The following NEU2 variants were observed in gnomAD, a reference collection of about 807,000 sequenced individuals.
NEU2 encodes neuraminidase 2, also known as sialidase-2.
In NEU2, 7 loss-of-function variants were observed where a neutral mutation model predicts 6.3. The ratio of observed to expected loss-of-function variants is 1.12; its 90% CI spans 0.63 to 2.10. The LOEUF (loss-of-function observed/expected upper bound fraction) is 2.10. Ranked by LOEUF, NEU2 falls within the 30% of genes most tolerant of loss-of-function variation. NEU2 has a pLI of 0.00. For synonymous variants in NEU2, 208 were observed against 223.3 expected, an observed-to-expected ratio of 0.93 and a Z score of 0.61; for missense variants, 509 against 504.0, an observed-to-expected ratio of 1.01 and a Z score of -0.09.
chr2:233,034,885 C>T lies in NEU2; in HGVS notation c.971C>T (p.Pro324Leu), dbSNP rs776176921. ...CCAGCCCCTGAGGCCTGGTCAGAGC[C>T]GGTACTGCTGGCCAAGGGCAGCTGT... is the stretch of plus-strand genomic sequence containing the variant. ...RPPAPEAWSE[P>L]VLLAKGSCAY... The change falls in exon 2 of 2, where the codon CCG becomes CTG. Residue 324 changes from proline to leucine, a missense_variant. By Grantham distance (98) the Pro-to-Leu change is moderately conservative (BLOSUM62 -3). Transcript: ENST00000233840. This position sits in a 1 kb window ranked among gnomAD's most constrained non-coding sequence, Gnocchi z 4.8. The T allele has an allele frequency of 1.7e-5, 28 of 1,613,850 alleles. No homozygotes were observed. The East Asian group carries it at 2.9e-4, about 17-fold the overall frequency.
In NEU2 at chr2:233,032,811, A is replaced by G. The variant is rs866806801; in HGVS notation, c.140A>G (p.Glu47Gly). ...GAACAGCGGGCAAGCAAGAAGGATG[A>G]GCACGCAGAGCTGATTGTCCTGCGC... ...FAEQRASKKD[E>G]HAELIVLRRG... Residue 47 changes from glutamate (E) to glycine (G), a missense_variant, in exon 1 of 2, where the codon GAG (glutamate) becomes GGG (glycine). By Grantham distance (98) the Glu-to-Gly change is moderately conservative. Coordinates refer to ENST00000233840, the MANE Select transcript of NEU2 (RefSeq NM_005383.2). 3 of 1,614,034 alleles carry G rather than the reference A, an allele frequency of 1.9e-6. No individual in the cohort carries two copies. In the Admixed American group the frequency reaches 5.0e-5, roughly 27 times the overall value.
chr2:233,033,408 G>A (rs1054719080), intron 1 of NEU2, among the ~76,000 whole-genome samples: 1 of 152,208 alleles, frequency 6.6e-6, no homozygotes, highest in Non-Finnish European at 1.5e-5. Context: ...GACCACAGAT[G>A]TGGCCTAGGC....
In NEU2 at chr2:233,034,350, G is replaced by A; in HGVS notation, c.436G>A (p.Ala146Thr). Residue 146 changes from alanine (A) to threonine (T), a missense_variant, in exon 2 of 2, where the codon GCC (alanine) becomes ACC (threonine). Physicochemically the swap from Ala to Thr is moderately conservative, Grantham distance 58. Transcript: ENST00000233840. The surrounding 1 kb of genome is among the most constrained non-coding windows in gnomAD (Gnocchi z 4.8). ...CTCCCCCAGAGACCTCACTGATGCGGCCATCGGCCCAGCCTACCGGGAGTG... is the reference window on the plus strand; with the variant it reads ...CTCCCCCAGAGACCTCACTGATGCGACCATCGGCCCAGCCTACCGGGAGTG... ...WSSPRDLTDA[A>T]IGPAYREWST... 1 of 1,614,008 alleles carries A rather than the reference G, an allele frequency of 6.2e-7. No individual in the cohort carries two copies. The highest frequency in any genetic ancestry group is 8.5e-7 in the Non-Finnish European group (1 of 1,179,962).
rs368601498 is a variant in NEU2, at chr2:233,032,713, G to T, written c.42G>T (p.Gln14His). ...LPVLQKESVF[Q>H]SGAHAYRIPA... ...TCCTGCAGAAGGAGAGCGTGTTCCAGTCGGGAGCCCATGCCTACAGAATCC... is the reference window on the plus strand; with the variant it reads ...TCCTGCAGAAGGAGAGCGTGTTCCATTCGGGAGCCCATGCCTACAGAATCC... The change falls in exon 1 of 2, where the codon CAG becomes CAT. Residue 14 changes from glutamine to histidine, a missense_variant. By Grantham distance (24) the Gln-to-His change is conservative. Transcript: ENST00000233840. 1.5e-5 allele frequency: 24 copies of T among 1,614,144 alleles called. No individual in the cohort carries two copies. Among genetic ancestry groups the T allele is most frequent in the Non-Finnish European group, 2.0e-5 (24 of 1,180,056 alleles).
intron 1 of NEU2, among the ~76,000 whole-genome samples, 183 bp downstream of exon 1, chr2:233,033,055 C>G (rs1300980693): frequency 1.3e-5 from 2 of 152,204 alleles, no homozygotes; most frequent in African/African-American, 4.8e-5. Flanking sequence ...TCTGGGTTCA[C>G]TGTGAATTAG....
At position 233,034,801 on chromosome 2, in the gene NEU2, C is replaced by G; in HGVS notation, c.887C>G (p.Thr296Ser). 1 of 1,573,560 alleles carries G rather than the reference C, an allele frequency of 6.4e-7. No individual in the cohort carries two copies. Among genetic ancestry groups the G allele is most frequent in the South Asian group, 1.2e-5 (1 of 83,792 alleles). Residue 296 changes from threonine to serine, a missense_variant, in exon 2 of 2, where the codon ACT (threonine) becomes AGT (serine). Thr to Ser is a moderately conservative substitution (Grantham distance 58). Transcript: ENST00000233840. This position sits in a 1 kb window ranked among gnomAD's most constrained non-coding sequence, Gnocchi z 4.8. ...TCCCCAGCCCAGTGGCTGCTCTACA[C>G]TCACCCCACACACTCCTGGCAGAGG... Reference protein sequence around the residue: ...PGSPAQWLLYTHPTHSWQRAD... With the variant: ...PGSPAQWLLYSHPTHSWQRAD...
rs750405616 is a variant in NEU2 at position 233,034,973 on chromosome 2, G to A, written c.1059G>A (p.Leu353=). The change falls in exon 2 of 2, where the codon CTG becomes CTA. Residue 353 remains leucine, a synonymous_variant. Transcript: ENST00000233840. The surrounding 1 kb of genome is among the most constrained non-coding windows in gnomAD (Gnocchi z 4.8). Reference sequence around the variant, plus strand: ...ATGGGTCCCCCTTGTTTGGGTGTCTGTACGAAGCCAATGATTACGAGGAGA... The same window carrying A: ...ATGGGTCCCCCTTGTTTGGGTGTCTATACGAAGCCAATGATTACGAGGAGA... ...GPDGSPLFGC[L]YEANDYEEIV... The A allele has an allele frequency of 9.9e-6, 16 of 1,614,172 alleles. No homozygotes were observed. The highest frequency in any genetic ancestry group is 1.3e-5 in the African/African-American group (1 of 75,070).
At position 233,032,851 on chromosome 2, in the gene NEU2, C is replaced by A. The variant is rs138078170; in HGVS notation, c.180C>A (p.Asp60Glu). 6.2e-7 allele frequency: 1 copy of A among 1,607,708 alleles called. No individual in the cohort carries two copies. Among genetic ancestry groups the A allele is most frequent in the African/African-American group, 1.3e-5 (1 of 74,856 alleles). Reference protein sequence around the residue: ...ELIVLRRGDYDAPTHQVQWQA... With the variant: ...ELIVLRRGDYEAPTHQVQWQA... ...TTGTCCTGCGCAGAGGAGACTACGA[C>A]GCACCCACCCACCAGGTTCAGGTGA... Residue 60 changes from aspartate (D) to glutamate (E), a missense_variant, in exon 1 of 2, where the codon GAC becomes GAA. Asp to Glu is a conservative substitution (Grantham distance 45). Transcript: ENST00000233840.
At position 233,034,754 on chromosome 2, in the gene NEU2, C is replaced by A; in HGVS notation, c.840C>A (p.Pro280=). 1 of 1,537,380 alleles carries A rather than the reference C, an allele frequency of 6.5e-7. No homozygotes were observed. Among genetic ancestry groups the A allele is most frequent in the Non-Finnish European group, 8.8e-7 (1 of 1,141,612 alleles). The part of the protein sequence containing the change: ...QGCQGSVISF[P]SPRSGPGSPA... Reference sequence around the variant, plus strand: ...GCCAGGGGAGCGTCATCAGCTTCCCCAGCCCCCGCTCGGGGCCTGGCTCCC... The same window carrying A: ...GCCAGGGGAGCGTCATCAGCTTCCCAAGCCCCCGCTCGGGGCCTGGCTCCC... Residue 280 remains proline (P), a synonymous_variant, in exon 2 of 2, where the codon CCC becomes CCA. Coordinates refer to ENST00000233840, the MANE Select transcript of NEU2 (RefSeq NM_005383.2). The surrounding 1 kb of genome is among the most constrained non-coding windows in gnomAD (Gnocchi z 4.8).
At chr2:233,033,719 C>T (rs999110975) in intron 1 of NEU2, among the ~76,000 whole-genome samples, 2 of 152,122 alleles carry the variant, frequency 1.3e-5, no homozygotes, top group African/African-American at 2.4e-5. Flanking sequence ...GGTTATTGCA[C>T]CTTCCGCCAG....
intron 1 of NEU2, among the ~76,000 whole-genome samples, chr2:233,033,316 C>A (rs1690539832): frequency 6.6e-6 from 1 of 152,124 alleles, no homozygotes; most frequent in Non-Finnish European, 1.5e-5. Context: ...ATTATCATTC[C>A]TTTGTGGTCA....
rs1198256169 is a variant in NEU2, at chr2:233,034,291, A to T, written c.377A>T (p.Gln126Leu). 1 of 1,614,138 alleles carries T rather than the reference A, an allele frequency of 6.2e-7. No homozygotes were observed. Among genetic ancestry groups the T allele is most frequent in the South Asian group, 1.1e-5 (1 of 91,080 alleles). The change falls in exon 2 of 2, where the codon CAA (glutamine) becomes CTA (leucine). Residue 126 changes from glutamine to leucine, a missense_variant. Physicochemically the swap from Gln to Leu is moderately radical, Grantham distance 113. Coordinates refer to ENST00000233840, the MANE Select transcript of NEU2 (RefSeq NM_005383.2). The surrounding 1 kb of genome is among the most constrained non-coding windows in gnomAD (Gnocchi z 4.8). ...AGGGCCAATGTGACGCGGCTGTGCC[A>T]AGTCACCAGCACTGACCACGGGAGG... is the stretch of plus-strand genomic sequence containing the variant. ...QTRANVTRLC[Q>L]VTSTDHGRTW...
chr2:233,034,199 G>A lies in NEU2; in HGVS notation c.285G>A (p.Thr95=), dbSNP rs762955879. The change falls in exon 2 of 2, where the codon ACG becomes ACA. Residue 95 remains threonine (T), a synonymous_variant. Coordinates refer to ENST00000233840, the MANE Select transcript of NEU2 (RefSeq NM_005383.2). The surrounding 1 kb of genome is among the most constrained non-coding windows in gnomAD (Gnocchi z 4.8). ...CATGCCCCTTGTATGACGCGCAGAC[G>A]GGGACCCTCTTCCTCTTCTTCATTG... The part of the protein sequence containing the change: ...MNPCPLYDAQ[T]GTLFLFFIAI... The A allele has an allele frequency of 6.2e-6, 10 of 1,613,952 alleles. No homozygotes were observed. Among genetic ancestry groups the A allele is most frequent in the South Asian group, 4.4e-5 (4 of 91,086 alleles).
At chr2:233,033,988 GTTC>G (rs1040280641) in intron 1 of NEU2, 125 bp from the exon 2 acceptor site, 43 of 830,568 alleles carry the variant, frequency 5.2e-5, no homozygotes, top group African/African-American at 2.4e-4. Context: ...TGGGTGAAGA[GTTC>G]TTCTCGATGA....
rs1559256145 is a variant in NEU2, at chr2:233,034,581, GA to G, written c.669del (p.Val224SerfsTer9). 1.2e-6 allele frequency: 2 copies of G among 1,614,040 alleles called. No individual in the cohort carries two copies. Reference sequence around the variant, plus strand: ...GGACACCCTGGAGTGCCAGGTGGCCGAAGTCGAGACTGGGGAGCAGAGGGTG... The same window carrying G: ...GGACACCCTGGAGTGCCAGGTGGCCGAGTCGAGACTGGGGAGCAGAGGGTG... ...AQDTLECQVA[E>X]VETGEQRVVT... is the part of the protein sequence containing the mutation. On this transcript the variant is annotated frameshift_variant, in exon 2 of 2. Transcript: ENST00000233840. LOFTEE classifies it low-confidence loss of function (END_TRUNC). The surrounding 1 kb of genome is among the most constrained non-coding windows in gnomAD (Gnocchi z 4.8).
chr2:233,033,331 T>C (rs992909411), intron 1 of NEU2, among the ~76,000 whole-genome samples: 3 of 152,198 alleles, frequency 2.0e-5, no homozygotes, highest in Admixed American at 1.3e-4. Context: ...TGGTCATTAC[T>C]ACACAGCTGT....
chr2:233,034,356 G>A lies in NEU2; in HGVS notation c.442G>A (p.Gly148Ser), dbSNP rs768070820. 8 of 1,613,908 alleles carry A rather than the reference G, an allele frequency of 5.0e-6. No homozygotes were observed. The East Asian group carries it at 1.1e-4, about 22-fold the overall frequency. Reference protein sequence around the residue: ...SPRDLTDAAIGPAYREWSTFA... With the variant: ...SPRDLTDAAISPAYREWSTFA... The stretch of plus-strand genomic sequence containing the variant: ...CAGAGACCTCACTGATGCGGCCATC[G>A]GCCCAGCCTACCGGGAGTGGTCCAC... The change falls in exon 2 of 2, where the codon GGC becomes AGC. Residue 148 changes from glycine (G) to serine (S), a missense_variant. Coordinates refer to ENST00000233840, the MANE Select transcript of NEU2 (RefSeq NM_005383.2). The surrounding 1 kb of genome is among the most constrained non-coding windows in gnomAD (Gnocchi z 4.8).
Position 233,034,519 on chromosome 2 carries a change from A to G in NEU2, c.605A>G (p.His202Arg). Residue 202 changes from histidine to arginine, a missense_variant, in exon 2 of 2, where the codon CAT (histidine) becomes CGT (arginine). By Grantham distance (29) the His-to-Arg change is conservative. Transcript: ENST00000233840. The surrounding 1 kb of genome is among the most constrained non-coding windows in gnomAD (Gnocchi z 4.8). Reference sequence around the variant, plus strand: ...GCCTTCTGCTTCCTCAGCCATGACCATGGGCGCACGTGGGCGCGAGGGCAC... The same window carrying G: ...GCCTTCTGCTTCCTCAGCCATGACCGTGGGCGCACGTGGGCGCGAGGGCAC... ...PSAFCFLSHD[H>R]GRTWARGHFV... is the part of the protein sequence containing the mutation. 1 of 1,614,040 alleles carries G rather than the reference A, an allele frequency of 6.2e-7. No individual in the cohort carries two copies. The highest frequency in any genetic ancestry group is 8.5e-7 in the Non-Finnish European group (1 of 1,179,950).
chr2:233,034,788 T>C lies in NEU2; in HGVS notation c.874T>C (p.Trp292Arg). ...PRSGPGSPAQWLLYTHPTHSW... is the reference protein window; with the variant it reads ...PRSGPGSPAQRLLYTHPTHSW... ...CTCGGGGCCTGGCTCCCCAGCCCAG[T>C]GGCTGCTCTACACTCACCCCACACA... The change falls in exon 2 of 2, where the codon TGG becomes CGG. Residue 292 changes from tryptophan to arginine, a missense_variant. Physicochemically the swap from Trp to Arg is moderately radical, Grantham distance 101 (BLOSUM62 -3). Coordinates refer to ENST00000233840, the MANE Select transcript of NEU2 (RefSeq NM_005383.2). This position sits in a 1 kb window ranked among gnomAD's most constrained non-coding sequence, Gnocchi z 4.8. 6.5e-7 allele frequency: 1 copy of C among 1,546,506 alleles called. No individual in the cohort carries two copies. Among genetic ancestry groups the C allele is most frequent in the South Asian group, 1.2e-5 (1 of 80,072 alleles).
Sources: allele counts gnomAD v4.1 joint callset (sites outside exome capture counted in the v4.1 genomes callset), GRCh38; gene constraint gnomAD v4.1.1; non-coding constraint Gnocchi (gnomAD v3.1); transcripts MANE v1.5; gene names NCBI Gene and HGNC (gene_info 2026-07-23, HGNC 2026-07-21).